RAB3C: variants seen among roughly 807,000 people sequenced by gnomAD.
The protein encoded by RAB3C is ras-related protein Rab-3C.
RAB3C carries 17 observed loss-of-function variants against 26.4 expected under a neutral mutation model. That is an observed-to-expected ratio of 0.64 (90% CI 0.44 to 0.97). The LOEUF (loss-of-function observed/expected upper bound fraction) is 0.97. RAB3C is among the 50% of genes least tolerant of loss of function. The pLI, the probability that RAB3C is intolerant of heterozygous loss-of-function variation, is 0.00. For synonymous variants in RAB3C, 91 were observed against 95.9 expected, an observed-to-expected ratio of 0.95 and a Z score of 0.30; for missense variants, 242 against 281.9, an observed-to-expected ratio of 0.86 and a Z score of 1.01.
chr5:58,738,968 CAGA>C (rs1274951440), intron 3 of RAB3C, among the ~76,000 whole-genome samples: 1 of 152,140 alleles, frequency 6.6e-6, no homozygotes, highest in East Asian at 1.9e-4. Context: ...CATAACTCCT[CAGA>C]AGAAGTTTTG....
At chr5:58,807,294 A>C (rs745929500) in intron 3 of RAB3C, among the ~76,000 whole-genome samples, 20 of 152,188 alleles carry the variant, frequency 1.3e-4, no homozygotes, top group Non-Finnish European at 2.6e-4. Flanking sequence ...CTCTGCCTAG[A>C]GAGTTAATAT....
At chr5:58,739,121 A>T (rs1040403279) in intron 3 of RAB3C, among the ~76,000 whole-genome samples, 1 of 152,204 alleles carries the variant, frequency 6.6e-6, no homozygotes, top group African/African-American at 2.4e-5. Context: ...TGCATTTGTG[A>T]CTTACTTGAA....
At chr5:58,703,724 A>T (rs1358648065) in intron 2 of RAB3C, among the ~76,000 whole-genome samples, 11 of 152,120 alleles carry the variant, frequency 7.2e-5, no homozygotes, top group Non-Finnish European at 1.2e-4. Flanking sequence ...CCTACTGAAT[A>T]TGTCTTTAAT....
At chr5:58,691,539 A>G (rs1748570664) in intron 2 of RAB3C, among the ~76,000 whole-genome samples, 1 of 152,066 alleles carries the variant, frequency 6.6e-6, no homozygotes, top group Non-Finnish European at 1.5e-5. Context: ...ATCTGTGTGG[A>G]AGGAGAAAAT....
In RAB3C at chr5:58,855,250, CTG is replaced by C. The variant is rs1457789534; in HGVS notation, c.*3902_*3903del. 2 of 152,196 alleles carry C rather than the reference CTG, an allele frequency of 1.3e-5. No individual in the cohort carries two copies. The highest frequency in any genetic ancestry group is 6.5e-5 in the Admixed American group (1 of 15,276). 9.4% of individuals were successfully genotyped at this position (152,196 alleles called of 1,614,324 possible). A position where few individuals can be genotyped will look rare whatever the true frequency, so the allele number is the denominator to read the frequency against. ...GTAGGTAACACCTGCATGTGAAAAA[CTG>C]TGATATGAATCTTATTTATAAAAAA... On this transcript the variant is annotated 3_prime_UTR_variant, in exon 5 of 5. Transcript: ENST00000282878.
intron 3 of RAB3C, among the ~76,000 whole-genome samples, chr5:58,736,403 C>T (rs1741136232): frequency 6.6e-6 from 1 of 152,224 alleles, no homozygotes; most frequent in Non-Finnish European, 1.5e-5. Flanking sequence ...TACTTGACCT[C>T]ACCAGTATTT....
chr5:58,805,912 G>T (rs1226978193), intron 3 of RAB3C, among the ~76,000 whole-genome samples: 1 of 152,096 alleles, frequency 6.6e-6, no homozygotes, highest in Admixed American at 6.6e-5. Context: ...ACATAACCAG[G>T]TTTCTAACAT....
chr5:58,774,015 T>C (rs561910033), intron 3 of RAB3C, among the ~76,000 whole-genome samples: 2 of 152,052 alleles, frequency 1.3e-5, no homozygotes, highest in African/African-American at 2.4e-5. Context: ...AACTCTACAC[T>C]CTTCACATGC....
intron 2 of RAB3C, chr5:58,689,393 A>G (rs1748514816): frequency 6.6e-6 from 1 of 152,166 alleles, no homozygotes; most frequent in African/African-American, 2.4e-5. Context: ...ACAGCAATTT[A>G]AATATTTCAG....
chr5:58,822,742 CA>C, intron 3 of RAB3C: 1 of 513,830 alleles, frequency 1.9e-6, no homozygotes, highest in South Asian at 1.7e-5. Context: ...AGCATATGTA[CA>C]TGGTACATGA....
chr5:58,588,876 C>T (rs1746067306), intron 1 of RAB3C, among the ~76,000 whole-genome samples: 1 of 152,082 alleles, frequency 6.6e-6, no homozygotes, highest in African/African-American at 2.4e-5. Flanking sequence ...TTTATTTCTT[C>T]CTTCCCAAAG....
intron 3 of RAB3C, among the ~76,000 whole-genome samples, chr5:58,808,826 C>T (rs1337918821): frequency 6.6e-6 from 1 of 152,156 alleles, no homozygotes; most frequent in African/African-American, 2.4e-5. Context: ...GCCATAACCA[C>T]AGAGTTTCTT....
At chr5:58,809,764 T>A (rs1468347745) in intron 3 of RAB3C, among the ~76,000 whole-genome samples, 1 of 152,054 alleles carries the variant, frequency 6.6e-6, no homozygotes, top group African/African-American at 2.4e-5. Flanking sequence ...CAGAGAGAGA[T>A]CCCTCACCAG....
intron 2 of RAB3C, among the ~76,000 whole-genome samples, chr5:58,633,195 C>T (rs954973600): frequency 6.6e-6 from 1 of 152,174 alleles, no homozygotes; most frequent in African/African-American, 2.4e-5. Context: ...ACTTCCCAAC[C>T]CCTTACCTAG....
intron 3 of RAB3C, among the ~76,000 whole-genome samples, chr5:58,781,189 T>C (rs1742262100): frequency 1.3e-5 from 2 of 152,118 alleles, no homozygotes; most frequent in African/African-American, 2.4e-5. Context: ...TCATAGATGC[T>C]CATCAGTGTC....
At chr5:58,640,918 G>A (rs1747400935) in intron 2 of RAB3C, among the ~76,000 whole-genome samples, 1 of 151,922 alleles carries the variant, frequency 6.6e-6, no homozygotes, top group Non-Finnish European at 1.5e-5. Context: ...TTACCTTTTT[G>A]GTATTTTGTA....
At chr5:58,829,641 G>A (rs192498741) in intron 4 of RAB3C, among the ~76,000 whole-genome samples, 66 of 152,232 alleles carry the variant, frequency 4.3e-4, no homozygotes, top group Admixed American at 3.4e-3. Context: ...ATTTTAAAGC[G>A]TTTTCAATTT....
chr5:58,660,652 C>A (rs1387743474), intron 2 of RAB3C, among the ~76,000 whole-genome samples: 1 of 150,310 alleles, frequency 6.7e-6, no homozygotes, highest in South Asian at 2.1e-4. Context: ...ACAAGATAGA[C>A]CAACGCTGAT....
At chr5:58,653,709 G>A (rs775538999) in intron 2 of RAB3C, among the ~76,000 whole-genome samples, 1 of 152,142 alleles carries the variant, frequency 6.6e-6, no homozygotes, top group African/African-American at 2.4e-5. Flanking sequence ...TCACAATATT[G>A]TGATGAGGTG....
Sources: allele counts gnomAD v4.1 joint callset (sites outside exome capture counted in the v4.1 genomes callset), GRCh38; gene constraint gnomAD v4.1.1; transcripts MANE v1.5; gene names NCBI Gene and HGNC (gene_info 2026-07-23, HGNC 2026-07-21).